TENM2: variants seen among roughly 807,000 people sequenced by gnomAD.
TENM2 encodes the protein teneurin-2.
TENM2 carries 52 observed loss-of-function variants against 245.2 expected under a neutral mutation model. The observed-to-expected ratio is 0.21, with a 90% CI of 0.17 to 0.27. TENM2 has a LOEUF of 0.27. Among genes scored for constraint, TENM2 ranks in the 10% least tolerant of loss-of-function variants. TENM2 has a pLI of 1.00. For missense variants in TENM2, 3,046 were observed against 3,666.8 expected (o/e 0.83, Z 4.37); for synonymous variants, 1,363 against 1,438.9 (o/e 0.95, Z 1.19).
intron 2 of TENM2, among the ~76,000 whole-genome samples, chr5:167,581,527 T>C (rs1775091233): frequency 6.6e-6 from 1 of 152,212 alleles, no homozygotes. Context: ...ACAAATCTAG[T>C]CACATGTTCT....
chr5:167,421,854 A>G (rs1366542967), intron 2 of TENM2, among the ~76,000 whole-genome samples: 1 of 152,114 alleles, frequency 6.6e-6, no homozygotes, highest in Non-Finnish European at 1.5e-5. Context: ...GTACAGTGCC[A>G]TGATCTTGGC....
chr5:167,354,239 G>C (rs1052559679), intron 1 of TENM2, among the ~76,000 whole-genome samples: 4 of 152,172 alleles, frequency 2.6e-5, no homozygotes, highest in African/African-American at 7.2e-5. Context: ...CTGAGACCAA[G>C]GGCCACTCAA....
intron 2 of TENM2, among the ~76,000 whole-genome samples, chr5:167,710,233 A>T (rs570893280): frequency 7.9e-5 from 12 of 152,296 alleles, no homozygotes; most frequent in African/African-American, 2.2e-4. Context: ...ACACACACAT[A>T]CAGGTATACA....
intron 5 of TENM2, among the ~76,000 whole-genome samples, chr5:168,018,516 A>C (rs1274919212): frequency 2.0e-5 from 3 of 151,904 alleles, no homozygotes; most frequent in Non-Finnish European, 4.4e-5. Flanking sequence ...AGCTGGAGTA[A>C]CTGCAGATAT....
the TENM2 span, among the ~76,000 whole-genome samples, chr5:167,046,537 TCTATGGGTTAGTACA>T: frequency 6.6e-6 from 1 of 152,148 alleles, no homozygotes; most frequent in African/African-American, 2.4e-5. Context: ...TTGGTCAGGT[TCTATGGGTTAGTACA>T]CTACTAATAA....
chr5:168,230,135 G>A (rs1043925677), intron 25 of TENM2, among the ~76,000 whole-genome samples: 1 of 152,102 alleles, frequency 6.6e-6, no homozygotes, highest in East Asian at 1.9e-4. Flanking sequence ...AGGCACACAA[G>A]TCTTATAACT....
At chr5:167,130,721 G>A in the TENM2 span, among the ~76,000 whole-genome samples, 266 of 152,162 alleles carry the variant, frequency 1.7e-3, no homozygotes, top group Non-Finnish European at 2.9e-3. Context: ...TCCCTCCAAT[G>A]TCTGTTGTGA....
the TENM2 span, among the ~76,000 whole-genome samples, chr5:166,979,198 CAGCAGCAGCAGCAG>C: frequency 5.2e-5 from 2 of 38,818 alleles, no homozygotes; most frequent in African/African-American, 9.0e-5. Flanking sequence ...CCACCACCAG[CAGCAGCAGCAGCAG>C]CAGCAGCAGC....
chr5:166,987,453 T>G, the TENM2 span, among the ~76,000 whole-genome samples: 1 of 141,666 alleles, frequency 7.1e-6, no homozygotes, highest in East Asian at 2.1e-4. Context: ...GTGTGTGTGT[T>G]TAGAACTCCA....
the TENM2 span, among the ~76,000 whole-genome samples, chr5:167,093,481 A>G: frequency 6.6e-5 from 10 of 152,290 alleles, no homozygotes; most frequent in East Asian, 1.9e-3. Flanking sequence ...AATAAAGGAG[A>G]CAAGAAGAGA....
chr5:167,194,629 G>C, the TENM2 span, among the ~76,000 whole-genome samples: 1 of 151,944 alleles, frequency 6.6e-6, no homozygotes, highest in South Asian at 2.1e-4. Context: ...AGGAACAGGG[G>C]GTTGGGACAG....
intron 3 of TENM2, among the ~76,000 whole-genome samples, chr5:167,928,084 A>G (rs1777899584): frequency 6.6e-6 from 1 of 151,734 alleles, no homozygotes; most frequent in Non-Finnish European, 1.5e-5. Context: ...GTTAATCACA[A>G]CTCTTCCTCC....
In TENM2 at chr5:168,199,850, T is replaced by C; in HGVS notation, c.3163-14T>C. Reference sequence around the variant, plus strand: ...GTGTTTTAGGTGTGTGTCTGCCATGTGTTTCCTCTCCAGGTTCTTCATGAA... The same window carrying C: ...GTGTTTTAGGTGTGTGTCTGCCATGCGTTTCCTCTCCAGGTTCTTCATGAA... On this transcript the variant is annotated splice_polypyrimidine_tract_variant and intron_variant, in intron 16 of 28. Transcript: ENST00000518659. The C allele has an allele frequency of 6.2e-7, 1 of 1,611,676 alleles. No individual in the cohort carries two copies. The highest frequency in any genetic ancestry group is 1.1e-5 in the South Asian group (1 of 90,846).
chr5:168,212,449 CT>C (rs1225414044), intron 20 of TENM2, among the ~76,000 whole-genome samples: 3 of 152,186 alleles, frequency 2.0e-5, no homozygotes, highest in Non-Finnish European at 4.4e-5. Flanking sequence ...ATAGTGTGAG[CT>C]TTCTTAAGGA....
intron 5 of TENM2, among the ~76,000 whole-genome samples, chr5:168,027,203 G>A (rs1202960448): frequency 6.6e-6 from 1 of 152,036 alleles, no homozygotes; most frequent in South Asian, 2.1e-4. Flanking sequence ...ACTCCCGACC[G>A]AGGTACTGAT....
intron 1 of TENM2, among the ~76,000 whole-genome samples, chr5:167,357,892 A>G (rs965068400): frequency 2.0e-5 from 3 of 152,086 alleles, no homozygotes; most frequent in African/African-American, 7.2e-5. Context: ...CACATCTACC[A>G]TCCACACACT....
At chr5:168,194,550 GA>G (rs934175437) in intron 14 of TENM2, among the ~76,000 whole-genome samples, 21 of 152,040 alleles carry the variant, frequency 1.4e-4, no homozygotes, top group East Asian at 1.9e-4. Context: ...ATTTCTAGCA[GA>G]AAAAAAGTGT....
intron 2 of TENM2, among the ~76,000 whole-genome samples, chr5:167,607,852 G>A (rs533285083): frequency 1.8e-4 from 28 of 152,246 alleles, no homozygotes; most frequent in African/African-American, 5.5e-4. Context: ...AAAGAATATC[G>A]TGGAATACAG....
chr5:166,989,171 G>A, the TENM2 span, among the ~76,000 whole-genome samples: 2 of 150,562 alleles, frequency 1.3e-5, no homozygotes, highest in Non-Finnish European at 2.9e-5. Context: ...CTGGGTTCAA[G>A]TGATTCTCCT....
Sources: allele counts gnomAD v4.1 joint callset (sites outside exome capture counted in the v4.1 genomes callset), GRCh38; gene constraint gnomAD v4.1.1; transcripts MANE v1.5; gene names NCBI Gene and HGNC (gene_info 2026-07-23, HGNC 2026-07-21).